Variants in RAMP1 observed in about 807,000 individuals in gnomAD.
RAMP1 encodes the protein receptor activity-modifying protein 1.
A neutral mutation model predicts 8.2 loss-of-function variants in RAMP1; 7 were observed. That is an observed-to-expected ratio of 0.85 (90% CI 0.49 to 1.60). The LOEUF (loss-of-function observed/expected upper bound fraction) is 1.60. RAMP1 is among the 40% of genes most tolerant of loss of function. RAMP1 has a pLI of 0.00. For synonymous variants in RAMP1, 92 were observed against 84.7 expected (o/e 1.09, Z -0.47); for missense variants, 192 against 202.4 (o/e 0.95, Z 0.31).
At chr2:237,897,771 G>GA (rs2062555631) in intron 2 of RAMP1, among the ~76,000 whole-genome samples, 1 of 72,268 alleles carries the variant, frequency 1.4e-5, no homozygotes, top group South Asian at 4.7e-4. Context: ...GTTTGTTTTG[G>GA]TTTTTTGGGG....
intron 2 of RAMP1, among the ~76,000 whole-genome samples, chr2:237,902,910 G>A (rs531174820): frequency 2.6e-5 from 4 of 152,352 alleles, no homozygotes; most frequent in Non-Finnish European, 4.4e-5. Context: ...TTACCATTCT[G>A]GTGGGGATCA....
At chr2:237,903,233 G>C (rs914029481) in intron 2 of RAMP1, among the ~76,000 whole-genome samples, 1 of 152,098 alleles carries the variant, frequency 6.6e-6, no homozygotes, top group Non-Finnish European at 1.5e-5. Flanking sequence ...CTACATAATG[G>C]AGCCACTCAT....
intron 1 of RAMP1, among the ~76,000 whole-genome samples, chr2:237,872,293 G>A (rs1376540806): frequency 6.6e-6 from 1 of 152,198 alleles, no homozygotes; most frequent in South Asian, 2.1e-4. Context: ...ATGCCCCTTT[G>A]CCAAAGTCGT....
upstream of RAMP1, chr2:237,859,504 C>T (rs2062110295): frequency 8.9e-6 from 2 of 224,176 alleles, no homozygotes; most frequent in Non-Finnish European, 7.5e-6. Context: ...GCGCCCCCGG[C>T]CCTGGCACCC....
In RAMP1 at chr2:237,862,244, G is replaced by A. The variant is rs80320249; in HGVS notation, c.52+2517G>A. Among the ~76,000 whole-genome samples, 2,727 of 152,228 alleles carry A rather than the reference G, an allele frequency of 0.018. 97 individuals are homozygous for A. Among genetic ancestry groups the A allele is most frequent in the African/African-American group, 0.062 (2,587 of 41,522 alleles). ...ATGTGACTGCTTCAGATTGCCATGC[G>A]GTTTTAAATCTGGACACAGTTCTCA... is the stretch of plus-strand genomic sequence containing the variant. On this transcript the variant is annotated intron_variant, in intron 1 of 2. Coordinates refer to ENST00000254661, the MANE Select transcript of RAMP1 (RefSeq NM_005855.4). The surrounding 1 kb of genome is among the most constrained non-coding windows in gnomAD (Gnocchi z 4.0).
chr2:237,888,042 A>G (rs1280711868), intron 2 of RAMP1, among the ~76,000 whole-genome samples: 2 of 152,112 alleles, frequency 1.3e-5, no homozygotes, highest in African/African-American at 4.8e-5. Context: ...TGTACCATGA[A>G]CATTCTGTGG....
chr2:237,889,227 G>A (rs74002605), intron 2 of RAMP1, among the ~76,000 whole-genome samples: 10,825 of 152,206 alleles, frequency 0.071, 557 homozygotes, highest in East Asian at 0.14. Context: ...GTCAGTGACC[G>A]TGTGACCTCC....
At chr2:237,871,549 C>T (rs999918723) in intron 1 of RAMP1, among the ~76,000 whole-genome samples, 1 of 152,152 alleles carries the variant, frequency 6.6e-6, no homozygotes, top group Non-Finnish European at 1.5e-5. Flanking sequence ...AGGGAGGCAG[C>T]AGCAGGCGTT....
intron 2 of RAMP1, among the ~76,000 whole-genome samples, chr2:237,879,031 G>T (rs2062338502): frequency 1.3e-5 from 2 of 152,216 alleles, no homozygotes; most frequent in South Asian, 4.1e-4. Context: ...AGATTTCAGG[G>T]CCTCCTTTTC....
intron 1 of RAMP1, among the ~76,000 whole-genome samples, chr2:237,869,354 G>A (rs1204879456): frequency 1.3e-5 from 2 of 152,110 alleles, no homozygotes; most frequent in East Asian, 3.9e-4. Flanking sequence ...GCACACTCAC[G>A]CTGCTGTACA....
At position 237,896,711 on chromosome 2, in the gene RAMP1, T is replaced by C. The variant is rs1269137337; in HGVS notation, c.192-14817T>C. Among the ~76,000 whole-genome samples, 4 of 152,328 alleles carry C rather than the reference T, an allele frequency of 2.6e-5. No homozygotes were observed. The East Asian group carries it at 5.8e-4, about 22-fold the overall frequency. The stretch of plus-strand genomic sequence containing the variant: ...CCTAGATTGGAATGCAGTTGCATGA[T>C]CTTAGCTCACTGCAGACTTGACTTC... On this transcript the variant is annotated intron_variant, in intron 2 of 2. Coordinates refer to ENST00000254661, the MANE Select transcript of RAMP1 (RefSeq NM_005855.4).
chr2:237,908,410 C>CTGGTGGTGGTAGTGG lies in RAMP1; in HGVS notation c.192-3108_192-3107insAGTGGTGGTGGTGGT, dbSNP rs570662154. On this transcript the variant is annotated intron_variant, in intron 2 of 2. Transcript: ENST00000254661. Reference sequence around the variant, plus strand: ...TCCCTTCCCCAGTGAGAAGAGACCTCTGGTGGTGGTGGTGGTGGTGGTGGT... The same window carrying CTGGTGGTGGTAGTGG: ...TCCCTTCCCCAGTGAGAAGAGACCTCTGGTGGTGGTAGTGGTGGTGGTGGTGGTGGTGGTGGTGGT... 7.6e-3 allele frequency among the ~76,000 whole-genome samples: 1,131 copies of CTGGTGGTGGTAGTGG among 149,014 alleles called. 16 individuals carry two copies. The highest frequency in any genetic ancestry group is 0.012 in the Non-Finnish European group (825 of 67,232).
intron 2 of RAMP1, among the ~76,000 whole-genome samples, chr2:237,903,820 G>A (rs754209142): frequency 7.9e-5 from 12 of 152,110 alleles, no homozygotes; most frequent in Non-Finnish European, 1.2e-4. Context: ...TTAGCCTCCC[G>A]AGTAGCTGGG....
At chr2:237,897,750 C>A (rs1024201226) in intron 2 of RAMP1, among the ~76,000 whole-genome samples, 3 of 142,366 alleles carry the variant, frequency 2.1e-5, no homozygotes, top group Non-Finnish European at 4.6e-5. Flanking sequence ...TGCTGTCATT[C>A]TTCTTTTTTT....
chr2:237,867,919 T>G (rs2062206050), intron 1 of RAMP1, among the ~76,000 whole-genome samples: 1 of 152,226 alleles, frequency 6.6e-6, no homozygotes, highest in South Asian at 2.1e-4. Context: ...AGCAGTTCCT[T>G]GAAGATCTAG....
Position 237,901,062 on chromosome 2 carries a change from G to C in RAMP1, c.192-10466G>C, listed in dbSNP as rs79270362. Among the ~76,000 whole-genome samples the C allele has an allele frequency of 5.7e-3, 868 of 152,392 alleles. 10 individuals carry two copies. Among genetic ancestry groups the C allele is most frequent in the African/African-American group, 0.02 (842 of 41,590 alleles). ...CGTTCCTGGCAGCTGCGGGCTGTCT[G>C]TACGCTGTGGCGCAGTGCCAGCTGT... On this transcript the variant is annotated intron_variant, in intron 2 of 2. Transcript: ENST00000254661.
At chr2:237,879,774 GAGGTCAGGAGT>G (rs2062347777) in intron 2 of RAMP1, among the ~76,000 whole-genome samples, 1 of 148,738 alleles carries the variant, frequency 6.7e-6, no homozygotes, top group African/African-American at 2.5e-5. Flanking sequence ...TGGATCAACT[GAGGTCAGGAGT>G]TCCAGACCAG....
chr2:237,889,087 T>C (rs542786654), intron 2 of RAMP1, among the ~76,000 whole-genome samples: 1 of 152,356 alleles, frequency 6.6e-6, no homozygotes, highest in Non-Finnish European at 1.5e-5. Flanking sequence ...AGAATATATA[T>C]ATTAACTATT....
At chr2:237,874,385 A>G (rs952090099) in intron 1 of RAMP1, among the ~76,000 whole-genome samples, 12 of 152,220 alleles carry the variant, frequency 7.9e-5, no homozygotes, top group African/African-American at 2.9e-4. Context: ...CGGCCTCCGC[A>G]CGGGGACTGG....
Sources: gnomAD v4.1 joint callset for allele counts (sites outside exome capture counted in the v4.1 genomes callset) on GRCh38, gnomAD v4.1.1 for gene constraint, Gnocchi (gnomAD v3.1) non-coding constraint, MANE v1.5 for transcripts, NCBI Gene and HGNC (gene_info 2026-07-23, HGNC 2026-07-21) for gene names.